Variants in RBM47 observed in about 807,000 individuals in gnomAD.
RBM47 encodes RNA-binding protein 47.
A neutral mutation model predicts 47.1 loss-of-function variants in RBM47; 21 were observed. That is an observed-to-expected ratio of 0.45 (90% confidence interval 0.32 to 0.64). The LOEUF is 0.64. Ranked by LOEUF, RBM47 falls within the 30% of genes least tolerant of loss-of-function variation. The pLI is 0.05. For missense variants in RBM47, 708 were observed against 870.9 expected, an observed-to-expected ratio of 0.81 and a Z score of 2.35; for synonymous variants, 375 against 361.7, an observed-to-expected ratio of 1.04 and a Z score of -0.42.
chr4:40,482,348 G>A (rs903555124), intron 2 of RBM47, among the ~76,000 whole-genome samples: 3 of 152,028 alleles, frequency 2.0e-5, no homozygotes, highest in East Asian at 1.9e-4. Context: ...CCGCCTCCCC[G>A]GTTCAAGCCA....
chr4:40,447,238 G>T (rs1714669077), intron 3 of RBM47, among the ~76,000 whole-genome samples: 1 of 152,114 alleles, frequency 6.6e-6, no homozygotes, highest in African/African-American at 2.4e-5. Context: ...CAATATATTT[G>T]AAATAAATCA....
chr4:40,542,588 C>T (rs1728657004), intron 2 of RBM47: 1 of 152,464 alleles, frequency 6.6e-6, no homozygotes, highest in Admixed American at 6.5e-5. Flanking sequence ...TCACTGTAGC[C>T]TCAACCTCCC....
chr4:40,576,299 A>G (rs1328135888), intron 1 of RBM47, among the ~76,000 whole-genome samples: 1 of 138,202 alleles, frequency 7.2e-6, no homozygotes, highest in Non-Finnish European at 1.5e-5. Flanking sequence ...ACCCACAATC[A>G]TATTTATGCC....
intron 3 of RBM47, chr4:40,455,724 T>G (rs993333067): frequency 5.3e-5 from 8 of 152,310 alleles, no homozygotes; most frequent in Admixed American, 5.2e-4. Flanking sequence ...CACTCCGGTC[T>G]GAGCAACAGA....
chr4:40,437,119 T>TTAC (rs1396692606), intron 4 of RBM47, among the ~76,000 whole-genome samples: 31 of 72,700 alleles, frequency 4.3e-4, no homozygotes, highest in African/African-American at 2.7e-3. Flanking sequence ...ATAAAATACA[T>TTAC]ATATATATAT....
intron 4 of RBM47, chr4:40,436,849 A>G: frequency 1.4e-6 from 1 of 696,200 alleles, no homozygotes; most frequent in Admixed American, 2.0e-5. Flanking sequence ...TCTTAGTACA[A>G]GAGGCAAACT....
intron 3 of RBM47, among the ~76,000 whole-genome samples, chr4:40,459,966 G>T (rs1342515944): frequency 1.3e-5 from 2 of 152,160 alleles, no homozygotes; most frequent in South Asian, 4.1e-4. Flanking sequence ...ACGTTGGTCA[G>T]GCTGGTCTCA....
At chr4:40,541,663 G>C (rs191451065) in intron 2 of RBM47, among the ~76,000 whole-genome samples, 1 of 152,008 alleles carries the variant, frequency 6.6e-6, no homozygotes, top group African/African-American at 2.4e-5. Flanking sequence ...GTTTGAACCC[G>C]GGAGGCGGAG....
intron 1 of RBM47, among the ~76,000 whole-genome samples, chr4:40,625,454 C>A (rs1477722711): frequency 6.6e-6 from 1 of 152,110 alleles, no homozygotes; most frequent in Non-Finnish European, 1.5e-5. Flanking sequence ...CAGGTACAGG[C>A]GTCCTGTTCC....
upstream of RBM47, chr4:40,629,986 A>G (rs1738091673): frequency 1.3e-5 from 2 of 152,062 alleles, no homozygotes; most frequent in South Asian, 4.2e-4. Context: ...ACCAAACCAG[A>G]TTTTTACTCC....
intron 1 of RBM47, among the ~76,000 whole-genome samples, chr4:40,569,565 A>G (rs1265453301): frequency 1.4e-5 from 2 of 144,648 alleles, no homozygotes; most frequent in African/African-American, 5.0e-5. Context: ...GCCCACCACC[A>G]CACCCGGCTA....
At position 40,438,326 on chromosome 4, in the gene RBM47, TGTC is replaced by T. The variant is rs1366021224; in HGVS notation, c.565_567del (p.Asp189del). ...AAGGCGAAGCCGCGGTTCTTCATCT[TGTC>T]GGCCGCGCTGGCGTAGACGATCACG... On this transcript the variant is annotated inframe_deletion, in exon 4 of 7. Coordinates refer to ENST00000295971, the MANE Select transcript of RBM47 (RefSeq NM_001098634.2). 3 of 1,608,604 alleles carry T rather than the reference TGTC, an allele frequency of 1.9e-6. No homozygotes were observed. The highest frequency in any genetic ancestry group is 1.7e-6 in the Non-Finnish European group (2 of 1,179,878).
chr4:40,533,065 G>C (rs1727568486), intron 2 of RBM47, among the ~76,000 whole-genome samples: 1 of 152,104 alleles, frequency 6.6e-6, no homozygotes, highest in Non-Finnish European at 1.5e-5. Flanking sequence ...GGAGCCAAAA[G>C]GTTTTCAAAG....
In RBM47 at chr4:40,436,162, ACT is replaced by A. The variant is rs553084373; in HGVS notation, c.1330+277_1330+278del. ...ACTCCAGCCTGGGCGACAGAGCGAG[ACT>A]CTGTCTCAAAAAAAAAAAAAAACAA... On this transcript the variant is annotated intron_variant, in intron 5 of 6. Transcript: ENST00000295971. 1.6e-4 allele frequency among the ~76,000 whole-genome samples: 23 copies of A among 146,060 alleles called. No individual in the cohort carries two copies. In the South Asian group the frequency reaches 3.7e-3, roughly 23 times the overall value.
At chr4:40,474,426 T>C (rs1719331704) in intron 2 of RBM47, among the ~76,000 whole-genome samples, 1 of 152,020 alleles carries the variant, frequency 6.6e-6, no homozygotes, top group Admixed American at 6.5e-5. Context: ...ATGGCAGACG[T>C]CTTACAAAAA....
rs540062257 is a variant in RBM47, at chr4:40,563,003, G to A, written c.-239-18497C>T. Among the ~76,000 whole-genome samples, 33 of 152,230 alleles carry A rather than the reference G, an allele frequency of 2.2e-4. 1 individual carries two copies. Among genetic ancestry groups the A allele is most frequent in the South Asian group, 1.9e-3 (9 of 4,824 alleles). ...GGCTACTAAAAATATCCAAAATGAC[G>A]GGACCCATGTGTTGTATTAAACTGG... is the stretch of plus-strand genomic sequence containing the variant. On this transcript the variant is annotated intron_variant, in intron 1 of 6. Transcript: ENST00000295971.
chr4:40,515,651 C>T (rs1056487127), intron 2 of RBM47, among the ~76,000 whole-genome samples: 1 of 152,200 alleles, frequency 6.6e-6, no homozygotes, highest in African/African-American at 2.4e-5. Context: ...GAATTGAGAT[C>T]ATGTGTTTTC....
chr4:40,627,093 A>G (rs1737813294), intron 1 of RBM47, among the ~76,000 whole-genome samples: 1 of 152,184 alleles, frequency 6.6e-6, no homozygotes, highest in Non-Finnish European at 1.5e-5. Flanking sequence ...AATCAGCATC[A>G]TCATTAAGAC....
chr4:40,626,676 G>A lies in RBM47; in HGVS notation c.-240+2720C>T, dbSNP rs551556881. 2.0e-5 allele frequency among the ~76,000 whole-genome samples: 3 copies of A among 152,278 alleles called. No individual in the cohort carries two copies. The South Asian group carries it at 6.2e-4, about 32-fold the overall frequency. On this transcript the variant is annotated intron_variant, in intron 1 of 6. Coordinates refer to ENST00000295971, the MANE Select transcript of RBM47 (RefSeq NM_001098634.2). The stretch of plus-strand genomic sequence containing the variant: ...AAAAGCAGGTGGTCATTGACTTCAA[G>A]GGGACGAGATCGCCCTCCCCACTGC...
Sources: allele counts gnomAD v4.1 joint callset (sites outside exome capture counted in the v4.1 genomes callset), GRCh38; gene constraint gnomAD v4.1.1; transcripts MANE v1.5; gene names NCBI Gene and HGNC (gene_info 2026-07-23, HGNC 2026-07-21).